RALA: variants seen among roughly 807,000 people sequenced by gnomAD.
RALA encodes the protein ras-related protein Ral-A.
In RALA, 5 loss-of-function variants were observed where a neutral mutation model predicts 24.0. That is an observed-to-expected ratio of 0.21 (90% CI 0.11 to 0.44). The LOEUF (loss-of-function observed/expected upper bound fraction) is 0.44. Ranked by LOEUF, RALA falls within the 20% of genes least tolerant of loss-of-function variation. The probability of loss-of-function intolerance (pLI) is 0.99; values close to 1 mark genes in which losing one functional copy is unlikely to be tolerated. For missense variants in RALA, 95 were observed against 241.2 expected, an observed-to-expected ratio of 0.39 and a Z score of 4.01; for synonymous variants, 77 against 83.8, an observed-to-expected ratio of 0.92 and a Z score of 0.44.
chr7:39,687,621 T>A (rs192063173), intron 2 of RALA, among the ~76,000 whole-genome samples: 338 of 152,272 alleles, frequency 2.2e-3, no homozygotes, highest in African/African-American at 7.8e-3. Flanking sequence ...TATATAGCAA[T>A]ATAGTCTTTC....
At chr7:39,705,351 T>C (rs59341821) in intron 4 of RALA, among the ~76,000 whole-genome samples, 4,391 of 152,298 alleles carry the variant, frequency 0.029, 227 homozygotes, top group African/African-American at 0.099. Flanking sequence ...ATTTTTTAAA[T>C]CCAGAATTCA....
intron 1 of RALA, among the ~76,000 whole-genome samples, chr7:39,680,904 A>G (rs188851023): frequency 4.3e-4 from 65 of 152,294 alleles, no homozygotes; most frequent in African/African-American, 1.5e-3. Flanking sequence ...CTCCCTCGCA[A>G]AATTATCTGT....
intron 1 of RALA, among the ~76,000 whole-genome samples, chr7:39,669,967 A>T (rs553094863): frequency 2.0e-5 from 3 of 152,322 alleles, no homozygotes; most frequent in Admixed American, 1.3e-4. Context: ...TGCATTTTTT[A>T]AAATTAACAA....
chr7:39,673,162 TG>T (rs1480149917), intron 1 of RALA, among the ~76,000 whole-genome samples: 1 of 152,098 alleles, frequency 6.6e-6, no homozygotes, highest in African/African-American at 2.4e-5. Flanking sequence ...CTCTCCAGCC[TG>T]GGCGACAGAG....
chr7:39,701,250 C>T (rs1326865877), intron 4 of RALA, among the ~76,000 whole-genome samples: 1 of 152,208 alleles, frequency 6.6e-6, no homozygotes, highest in African/African-American at 2.4e-5. Flanking sequence ...TGCCACCACA[C>T]CTATAATCCC....
At chr7:39,675,404 A>G (rs1331438512) in intron 1 of RALA, among the ~76,000 whole-genome samples, 3 of 152,172 alleles carry the variant, frequency 2.0e-5, no homozygotes, top group Non-Finnish European at 2.9e-5. Flanking sequence ...GAGATGCTCA[A>G]CCTGTATTGA....
At chr7:39,653,193 C>G (rs1164025795) in intron 1 of RALA, among the ~76,000 whole-genome samples, 1 of 151,640 alleles carries the variant, frequency 6.6e-6, no homozygotes, top group Non-Finnish European at 1.5e-5. Context: ...CCATGCCTGG[C>G]TAATTTTTGT....
At chr7:39,673,194 A>G (rs537987983) in intron 1 of RALA, among the ~76,000 whole-genome samples, 6 of 151,974 alleles carry the variant, frequency 3.9e-5, no homozygotes, top group South Asian at 4.1e-4. Flanking sequence ...TCTCAAAAAA[A>G]AGAGAGAAAT....
intron 1 of RALA, among the ~76,000 whole-genome samples, chr7:39,657,785 A>G (rs143788527): frequency 0.016 from 2,467 of 152,344 alleles, 31 homozygotes; most frequent in Middle Eastern, 0.044. Context: ...TGTTAATGAA[A>G]TGCTACAATT....
At chr7:39,697,552 C>G (rs761998234) in intron 4 of RALA, 1 of 432,560 alleles carries the variant, frequency 2.3e-6, no homozygotes, top group Non-Finnish European at 4.6e-6. Flanking sequence ...GGTCTTTCTT[C>G]AGCCTGCAAG....
At chr7:39,694,615 A>G (rs1037865297) in intron 3 of RALA, among the ~76,000 whole-genome samples, 3 of 152,224 alleles carry the variant, frequency 2.0e-5, no homozygotes, top group African/African-American at 4.8e-5. Context: ...TGTTTGGCAC[A>G]TTGTGAGCGC....
chr7:39,642,275 A>G (rs1031835865), intron 1 of RALA, among the ~76,000 whole-genome samples: 14 of 152,218 alleles, frequency 9.2e-5, no homozygotes, highest in African/African-American at 3.4e-4. Context: ...GGTAAATGAC[A>G]GGACAAAGGA....
chr7:39,625,931 A>C (rs965585364), intron 1 of RALA, among the ~76,000 whole-genome samples: 1 of 152,212 alleles, frequency 6.6e-6, no homozygotes, highest in Non-Finnish European at 1.5e-5. Context: ...ATTCTTGTAG[A>C]TATGCATATC....
At chr7:39,699,296 G>A (rs1031732172) in intron 4 of RALA, among the ~76,000 whole-genome samples, 5 of 149,446 alleles carry the variant, frequency 3.3e-5, no homozygotes, top group Admixed American at 6.6e-5. Flanking sequence ...GCCCGCCACC[G>A]CGCCCGGCTA....
chr7:39,701,886 T>C (rs771923021), intron 4 of RALA, among the ~76,000 whole-genome samples: 7 of 152,226 alleles, frequency 4.6e-5, no homozygotes, highest in Non-Finnish European at 7.3e-5. Context: ...TGTGTACTCA[T>C]TGGATTCATT....
rs1792606878 is a variant in RALA, at chr7:39,681,726, T to C, written c.-37-4905T>C. ...TTCATCTTCTCCCTAAGAAAGCTCA[T>C]GCCATTTTGTGACTTCAAATATCAT... On this transcript the variant is annotated intron_variant, in intron 1 of 4. Transcript: ENST00000005257. Among the ~76,000 whole-genome samples, 4 of 152,160 alleles carry C rather than the reference T, an allele frequency of 2.6e-5. No homozygotes were observed. In the South Asian group the frequency reaches 8.3e-4, roughly 31 times the overall value.
chr7:39,662,588 GTCACCTTTAC>G (rs1287256812), intron 1 of RALA, among the ~76,000 whole-genome samples: 1 of 152,124 alleles, frequency 6.6e-6, no homozygotes, highest in African/African-American at 2.4e-5. Context: ...CATAGCAAGA[GTCACCTTTAC>G]TCCAATTCCC....
rs545621896 is a variant in RALA, at chr7:39,701,670, G to C, written c.499-4453G>C. On this transcript the variant is annotated intron_variant, in intron 4 of 4. Coordinates refer to ENST00000005257, the MANE Select transcript of RALA (RefSeq NM_005402.4). ...ATGCTTTGTCACAGAACAAATGCTA[G>C]CTCTCCATAAGATCATTGGCTCATG... Among the ~76,000 whole-genome samples the C allele has an allele frequency of 3.9e-5, 6 of 152,342 alleles. No individual in the cohort carries two copies. In the East Asian group the frequency reaches 9.6e-4, roughly 24 times the overall value.
intron 1 of RALA, among the ~76,000 whole-genome samples, chr7:39,627,350 A>C (rs1182152470): frequency 6.6e-6 from 1 of 152,180 alleles, no homozygotes; most frequent in African/African-American, 2.4e-5. Context: ...GGTAGTCTTT[A>C]CAAGCCAAAA....
Sources: gnomAD v4.1 joint callset for allele counts (sites outside exome capture counted in the v4.1 genomes callset) on GRCh38, gnomAD v4.1.1 for gene constraint, MANE v1.5 for transcripts, NCBI Gene and HGNC (gene_info 2026-07-23, HGNC 2026-07-21) for gene names.